The following PIP4K2A variants were observed in gnomAD, a reference collection of about 807,000 sequenced individuals.
PIP4K2A encodes phosphatidylinositol-5-phosphate 4-kinase type 2 alpha.
In PIP4K2A, 14 loss-of-function variants were observed where a neutral mutation model predicts 42.9. The observed-to-expected ratio is 0.33, with a 90% CI of 0.22 to 0.51. The LOEUF is 0.51. Among genes scored for constraint, PIP4K2A ranks in the 20% least tolerant of loss-of-function variants. The pLI is 0.97. For missense variants in PIP4K2A, 434 were observed against 519.8 expected, an observed-to-expected ratio of 0.83 and a Z score of 1.61; for synonymous variants, 192 against 192.2, an observed-to-expected ratio of 1.00 and a Z score of 0.01.
intron 6 of PIP4K2A, among the ~76,000 whole-genome samples, chr10:22,562,383 C>T (rs1458449379): frequency 6.6e-6 from 1 of 152,208 alleles, no homozygotes; most frequent in East Asian, 1.9e-4. Flanking sequence ...TCCGTCTCTA[C>T]TAAAAATACA....
chr10:22,652,312 G>A (rs1342347683), intron 1 of PIP4K2A, among the ~76,000 whole-genome samples: 1 of 151,896 alleles, frequency 6.6e-6, no homozygotes. Context: ...GTAGAGACAG[G>A]GTTTCACCAT....
chr10:22,664,032 C>CAT (rs1384082287), intron 1 of PIP4K2A, among the ~76,000 whole-genome samples: 1,439 of 105,204 alleles, frequency 0.014, 28 homozygotes, highest in Middle Eastern at 0.026. Context: ...CATATATATA[C>CAT]ATATATATAT....
chr10:22,612,647 T>G (rs1838079094), intron 1 of PIP4K2A, among the ~76,000 whole-genome samples: 1 of 152,086 alleles, frequency 6.6e-6, no homozygotes, highest in Admixed American at 6.5e-5. Flanking sequence ...CATGCTGAAG[T>G]GCTGAAATCT....
At chr10:22,676,680 G>A (rs1422891964) in intron 1 of PIP4K2A, among the ~76,000 whole-genome samples, 1 of 152,162 alleles carries the variant, frequency 6.6e-6, no homozygotes, top group Non-Finnish European at 1.5e-5. Context: ...AGAACAAGAA[G>A]TAAAAGGTAC....
intron 1 of PIP4K2A, among the ~76,000 whole-genome samples, chr10:22,655,460 CTG>C (rs1460451470): frequency 6.6e-6 from 1 of 152,218 alleles, no homozygotes; most frequent in Non-Finnish European, 1.5e-5. Context: ...ATTTCAAATG[CTG>C]TCTCTTGATT....
At chr10:22,545,975 GGATT>G (rs1836250473) in intron 7 of PIP4K2A, among the ~76,000 whole-genome samples, 2 of 152,244 alleles carry the variant, frequency 1.3e-5, no homozygotes, top group Admixed American at 6.5e-5. Context: ...CAAACTGCTG[GGATT>G]ATTATTCATG....
At chr10:22,590,384 G>T (rs911812898) in intron 4 of PIP4K2A, among the ~76,000 whole-genome samples, 1 of 152,080 alleles carries the variant, frequency 6.6e-6, no homozygotes, top group Non-Finnish European at 1.5e-5. Context: ...TGACTTAGTT[G>T]TTACGTTATT....
intron 1 of PIP4K2A, among the ~76,000 whole-genome samples, chr10:22,695,120 T>G (rs1839943065): frequency 1.3e-5 from 2 of 152,222 alleles, no homozygotes; most frequent in Non-Finnish European, 2.9e-5. Flanking sequence ...AAAACAGTGA[T>G]ACAAACTCAT....
intron 1 of PIP4K2A, among the ~76,000 whole-genome samples, chr10:22,664,469 G>A (rs913217437): frequency 2.7e-5 from 4 of 147,822 alleles, no homozygotes; most frequent in Non-Finnish European, 4.5e-5. Flanking sequence ...ACTTTTTCTT[G>A]GTGATCACAC....
At chr10:22,548,062 A>G (rs1836300209) in intron 7 of PIP4K2A, among the ~76,000 whole-genome samples, 1 of 152,214 alleles carries the variant, frequency 6.6e-6, no homozygotes, top group Non-Finnish European at 1.5e-5. Context: ...CAGTCAGCTA[A>G]ATTAGAAAGC....
intron 1 of PIP4K2A, among the ~76,000 whole-genome samples, chr10:22,708,929 T>C (rs552370806): frequency 1.3e-5 from 2 of 152,268 alleles, no homozygotes; most frequent in Non-Finnish European, 2.9e-5. Context: ...GCTACAGGTG[T>C]GTGCCACCAT....
In PIP4K2A at chr10:22,561,565, G is replaced by GTTTTTTTTTTTTTTTTTTTTT. The variant is rs71394001; in HGVS notation, c.678+6265_678+6285dup. ...TATGTCACCAGAGATTCTCTACGCA[G>GTTTTTTTTTTTTTTTTTTTTT]TTTTTTTTTTTTTTTTTTTTTTTTT... is the stretch of plus-strand genomic sequence containing the variant. On this transcript the variant is annotated intron_variant, in intron 6 of 9. Coordinates refer to ENST00000376573, the MANE Select transcript of PIP4K2A (RefSeq NM_005028.5). 4.7e-4 allele frequency among the ~76,000 whole-genome samples: 53 copies of GTTTTTTTTTTTTTTTTTTTTT among 113,500 alleles called. 26 individuals carry two copies. Among genetic ancestry groups the GTTTTTTTTTTTTTTTTTTTTT allele is most frequent in the African/African-American group, 6.0e-4 (17 of 28,314 alleles). The allele number at this position is 113,500 out of a possible 152,430, so 74.5% of individuals were successfully genotyped here.
At chr10:22,555,916 A>G (rs1299704353) in intron 6 of PIP4K2A, among the ~76,000 whole-genome samples, 1 of 151,170 alleles carries the variant, frequency 6.6e-6, no homozygotes, top group African/African-American at 2.4e-5. Flanking sequence ...AAAAAAAATC[A>G]CAAGAAAATC....
chr10:22,594,285 G>A (rs1258641465), intron 3 of PIP4K2A, among the ~76,000 whole-genome samples: 1 of 152,190 alleles, frequency 6.6e-6, no homozygotes, highest in Non-Finnish European at 1.5e-5. Flanking sequence ...CCTCTAGTTC[G>A]ATTAAAATGG....
At chr10:22,646,477 G>C (rs1838884204) in intron 1 of PIP4K2A, among the ~76,000 whole-genome samples, 1 of 152,172 alleles carries the variant, frequency 6.6e-6, no homozygotes, top group South Asian at 2.1e-4. Context: ...ATAGGTGGTA[G>C]TGGTGGTTTT....
At chr10:22,549,838 CAAAAAAAAAAAAAAAAAAAAAAAA>C (rs56349240) in intron 7 of PIP4K2A, among the ~76,000 whole-genome samples, 6 of 70,126 alleles carry the variant, frequency 8.6e-5, no homozygotes, top group East Asian at 3.9e-4. Context: ...GAATCCATCT[CAAAAAAAAAAAAAAAAAAAAAAAA>C]AAAAAAAAAA....
At chr10:22,565,126 CA>C (rs1218256946) in intron 6 of PIP4K2A, among the ~76,000 whole-genome samples, 1 of 152,196 alleles carries the variant, frequency 6.6e-6, no homozygotes, top group Non-Finnish European at 1.5e-5. Flanking sequence ...TTGTTCTAGA[CA>C]TGCTTCTCTT....
At chr10:22,563,644 T>C (rs555105192) in intron 6 of PIP4K2A, among the ~76,000 whole-genome samples, 1 of 152,258 alleles carries the variant, frequency 6.6e-6, no homozygotes, top group East Asian at 1.9e-4. Flanking sequence ...TCACAAACAT[T>C]TACAAGGCAG....
intron 7 of PIP4K2A, among the ~76,000 whole-genome samples, chr10:22,544,010 T>G (rs1420687354): frequency 2.0e-5 from 3 of 152,228 alleles, no homozygotes; most frequent in Non-Finnish European, 4.4e-5. Context: ...GTTCTGAGCC[T>G]GTACTCTCTG....
Sources: allele counts gnomAD v4.1 joint callset (sites outside exome capture counted in the v4.1 genomes callset), GRCh38; gene constraint gnomAD v4.1.1; transcripts MANE v1.5; gene names NCBI Gene and HGNC (gene_info 2026-07-23, HGNC 2026-07-21).